The following MDFIC variants were observed in gnomAD, a reference collection of about 807,000 sequenced individuals.
The protein encoded by MDFIC is myoD family inhibitor domain-containing protein.
MDFIC carries 17 observed loss-of-function variants against 23.2 expected under a neutral mutation model. The observed-to-expected ratio is 0.73, with a 90% confidence interval of 0.50 to 1.10. The LOEUF (loss-of-function observed/expected upper bound fraction) is 1.10, where lower values mean the gene tolerates loss of function less well. MDFIC is among the 50% of genes least tolerant of loss of function. The pLI, the probability that MDFIC is intolerant of heterozygous loss-of-function variation, is 0.00. For synonymous variants in MDFIC, 120 were observed against 115.2 expected, an observed-to-expected ratio of 1.04 and a Z score of -0.27; for missense variants, 356 against 316.6, an observed-to-expected ratio of 1.12 and a Z score of -0.95.
intron 4 of MDFIC, among the ~76,000 whole-genome samples, chr7:114,981,348 A>G (rs1022630761): frequency 3.3e-5 from 5 of 152,202 alleles, no homozygotes; most frequent in African/African-American, 1.2e-4. Context: ...TGCCTTTAAT[A>G]CCATGTCTGA....
chr7:114,954,096 C>G (rs1260341111), intron 3 of MDFIC, among the ~76,000 whole-genome samples: 10 of 152,164 alleles, frequency 6.6e-5, no homozygotes, highest in Admixed American at 2.6e-4. Flanking sequence ...CACATTGATT[C>G]TTTAAGTCTA....
chr7:114,988,703 T>G (rs1387182977), intron 4 of MDFIC, among the ~76,000 whole-genome samples: 2 of 152,172 alleles, frequency 1.3e-5, no homozygotes, highest in African/African-American at 4.8e-5. Context: ...GAGATGATCA[T>G]GAGTTGAGTT....
At chr7:114,974,282 G>A (rs1793264353) in intron 3 of MDFIC, among the ~76,000 whole-genome samples, 1 of 76,638 alleles carries the variant, frequency 1.3e-5, no homozygotes, top group Admixed American at 1.8e-4. Flanking sequence ...GCAAATAATT[G>A]CATATATATG....
intron 4 of MDFIC, among the ~76,000 whole-genome samples, chr7:114,980,390 G>A (rs751416766): frequency 6.6e-6 from 1 of 152,082 alleles, no homozygotes; most frequent in Non-Finnish European, 1.5e-5. Flanking sequence ...GAGACACTTG[G>A]CTGTGTTCTC....
chr7:114,967,163 A>T (rs557074793), intron 3 of MDFIC, among the ~76,000 whole-genome samples: 1 of 152,210 alleles, frequency 6.6e-6, no homozygotes, highest in African/African-American at 2.4e-5. Context: ...GAGATTACAG[A>T]TTTTGTTCAG....
At chr7:114,922,892 AT>A (rs76623048) in intron 1 of MDFIC, 34 bp from the exon 2 acceptor site, 20,251 of 1,106,700 alleles carry the variant, frequency 0.018, 3 homozygotes, top group South Asian at 0.033. Flanking sequence ...CTCTAAAAAC[AT>A]TTTTTTTTTT....
intron 4 of MDFIC, among the ~76,000 whole-genome samples, chr7:114,990,039 A>C (rs536977005): frequency 6.6e-6 from 1 of 152,338 alleles, no homozygotes; most frequent in South Asian, 2.1e-4. Context: ...AGCTAAAGAG[A>C]AGAAAATATA....
At chr7:114,981,278 G>A (rs532436610) in intron 4 of MDFIC, among the ~76,000 whole-genome samples, 18 of 152,132 alleles carry the variant, frequency 1.2e-4, no homozygotes, top group African/African-American at 2.7e-4. Context: ...GGTAACATTC[G>A]CATATCAGTC....
rs147130359 is a variant in MDFIC, at chr7:114,952,461, A to G, written c.217+10064A>G. The stretch of plus-strand genomic sequence containing the variant: ...CCTTTAAGGAGTTAGTGACAAATCC[A>G]TGCTCCACAGTTTTCCACCAAAAGC... On this transcript the variant is annotated intron_variant, in intron 3 of 4. Coordinates refer to ENST00000393486, the MANE Select transcript of MDFIC (RefSeq NM_001166345.3). Among the ~76,000 whole-genome samples, 1,251 of 151,532 alleles carry G rather than the reference A, an allele frequency of 8.3e-3. 52 individuals carry two copies. The highest frequency in any genetic ancestry group is 0.065 in the Admixed American group (991 of 15,210).
chr7:114,973,388 A>T (rs181067182), intron 3 of MDFIC, among the ~76,000 whole-genome samples: 4 of 152,250 alleles, frequency 2.6e-5, no homozygotes, highest in Admixed American at 2.6e-4. Flanking sequence ...TTTGCTGCCA[A>T]CTGCAAAAAA....
chr7:114,939,899 C>T (rs1028750633), intron 2 of MDFIC, among the ~76,000 whole-genome samples: 6 of 152,150 alleles, frequency 3.9e-5, no homozygotes, highest in African/African-American at 9.7e-5. Flanking sequence ...TGACACCTGG[C>T]GGCAGTCAGC....
chr7:114,977,556 T>C (rs901907270), intron 3 of MDFIC, among the ~76,000 whole-genome samples: 6 of 152,174 alleles, frequency 3.9e-5, no homozygotes, highest in Non-Finnish European at 7.3e-5. Flanking sequence ...ACTTCTCTTC[T>C]GGCAGAACTT....
chr7:114,967,474 A>G (rs2709519), intron 3 of MDFIC, among the ~76,000 whole-genome samples: 148,483 of 152,340 alleles, frequency 0.97, 72,476 homozygotes, highest in East Asian at 1. Context: ...TGACATGCTG[A>G]AGATGACTGT....
chr7:114,965,116 T>C (rs1014151021), intron 3 of MDFIC, among the ~76,000 whole-genome samples: 2 of 152,128 alleles, frequency 1.3e-5, no homozygotes, highest in Non-Finnish European at 2.9e-5. Context: ...ACATTTCACC[T>C]AGGTGTTGAT....
rs201244223 is a variant in MDFIC, at chr7:114,983,503, T to G, written c.493+3722T>G. On this transcript the variant is annotated intron_variant, in intron 4 of 4. Transcript: ENST00000393486. Reference sequence around the variant, plus strand: ...TGTGGGTTGGCAAGATGTTTTAACATGTCTTTAACTGTGAGTGTCTGAAGA... The same window carrying G: ...TGTGGGTTGGCAAGATGTTTTAACAGGTCTTTAACTGTGAGTGTCTGAAGA... Among the ~76,000 whole-genome samples, 269 of 151,916 alleles carry G rather than the reference T, an allele frequency of 1.8e-3. 4 individuals carry two copies. Among genetic ancestry groups the G allele is most frequent in the African/African-American group, 6.3e-3 (259 of 41,422 alleles).
chr7:114,955,060 T>A (rs1380249802), intron 3 of MDFIC, among the ~76,000 whole-genome samples: 1 of 152,090 alleles, frequency 6.6e-6, no homozygotes, highest in Non-Finnish European at 1.5e-5. Context: ...CAGACCCCCA[T>A]CTACAATGGC....
chr7:115,005,827 A>G (rs781681334), intron 4 of MDFIC, among the ~76,000 whole-genome samples: 1 of 152,196 alleles, frequency 6.6e-6, no homozygotes, highest in Non-Finnish European at 1.5e-5. Context: ...ATCAAATGGT[A>G]TTAATAGATA....
chr7:114,940,117 T>C (rs764972108), intron 2 of MDFIC, among the ~76,000 whole-genome samples: 3 of 152,242 alleles, frequency 2.0e-5, no homozygotes, highest in Non-Finnish European at 4.4e-5. Flanking sequence ...TTCTCTATGA[T>C]AATGCTGAGT....
At chr7:114,927,478 C>T (rs1008385408) in intron 2 of MDFIC, among the ~76,000 whole-genome samples, 2 of 151,954 alleles carry the variant, frequency 1.3e-5, no homozygotes, top group African/African-American at 4.8e-5. Context: ...CCTCAAAATA[C>T]TGCTGCATAG....
Sources: gnomAD v4.1 joint callset for allele counts (sites outside exome capture counted in the v4.1 genomes callset) on GRCh38, gnomAD v4.1.1 for gene constraint, MANE v1.5 for transcripts, NCBI Gene and HGNC (gene_info 2026-07-23, HGNC 2026-07-21) for gene names.